CCDC47: variants seen among roughly 807,000 people sequenced by gnomAD.
The protein encoded by CCDC47 is coiled-coil domain containing 47.
In CCDC47, 41 loss-of-function variants were observed where a neutral mutation model predicts 60.5. The observed-to-expected ratio is 0.68, with a 90% confidence interval of 0.53 to 0.88. CCDC47 has a LOEUF of 0.88. Among genes scored for constraint, CCDC47 ranks in the 40% least tolerant of loss-of-function variants. The pLI is 0.00. For missense variants in CCDC47, 513 were observed against 580.9 expected (o/e 0.88, Z 1.20); for synonymous variants, 195 against 190.7 (o/e 1.02, Z -0.18).
intron 1 of CCDC47, among the ~76,000 whole-genome samples, chr17:63,769,292 A>G (rs2039319053): frequency 2.6e-5 from 4 of 151,504 alleles, no homozygotes; most frequent in Admixed American, 2.6e-4. Flanking sequence ...GTCGAAACCC[A>G]GATCATTTTA....
chr17:63,773,080 C>T (rs531978906), intron 1 of CCDC47, among the ~76,000 whole-genome samples: 91 of 152,244 alleles, frequency 6.0e-4, no homozygotes, highest in Non-Finnish European at 1.2e-3. Context: ...AGACTTTCCT[C>T]TGTCTCTTTA....
intron 12 of CCDC47, among the ~76,000 whole-genome samples, chr17:63,751,583 T>A (rs1398204267): frequency 6.6e-6 from 1 of 151,946 alleles, no homozygotes; most frequent in Non-Finnish European, 1.5e-5. Flanking sequence ...AGATTTTAAA[T>A]TTTACATAGC....
chr17:63,763,261 G>A (rs920245480), intron 4 of CCDC47, among the ~76,000 whole-genome samples: 2 of 152,126 alleles, frequency 1.3e-5, no homozygotes, highest in African/African-American at 2.4e-5. Flanking sequence ...AGTAGCTCAC[G>A]TCTGTAATCC....
At position 63,765,904 on chromosome 17, in the gene CCDC47, A is replaced by G. The variant is rs2039294094; in HGVS notation, c.264+8T>C. 6.3e-7 allele frequency: 1 copy of G among 1,596,156 alleles called. No individual in the cohort carries two copies. ...ATTTTTCCAATAAATTAATAAAAAGAGCCTCACCTGGGTATCTGCATCTTC... is the reference window on the plus strand; with the variant it reads ...ATTTTTCCAATAAATTAATAAAAAGGGCCTCACCTGGGTATCTGCATCTTC... On this transcript the variant is annotated splice_region_variant and intron_variant, in intron 2 of 12. Coordinates refer to ENST00000225726, the MANE Select transcript of CCDC47 (RefSeq NM_020198.3).
chr17:63,764,593 T>G, intron 3 of CCDC47, 147 bp downstream of exon 3: 1 of 684,798 alleles, frequency 1.5e-6, no homozygotes, highest in South Asian at 2.2e-5. Context: ...GGAGAGGTGT[T>G]GATTTTTATC....
intron 11 of CCDC47, 85 bp downstream of exon 11, chr17:63,752,235 C>CA (rs2039172218): frequency 7.0e-7 from 1 of 1,418,850 alleles, no homozygotes; most frequent in East Asian, 2.3e-5. Context: ...AAAATTCAGT[C>CA]ACTGAAATCA....
In CCDC47 at chr17:63,752,737, T is replaced by C; in HGVS notation, c.1093+4A>G. 1 of 1,610,592 alleles carries C rather than the reference T, an allele frequency of 6.2e-7. No homozygotes were observed. On this transcript the variant is annotated splice_donor_region_variant and intron_variant, in intron 10 of 12. Coordinates refer to ENST00000225726, the MANE Select transcript of CCDC47 (RefSeq NM_020198.3). ...AGAACCCAGAAAGGACCCAGAATAC[T>C]TACCATTAAATGTAAACAACAGTGT...
At chr17:63,772,258 T>G (rs913906394) in intron 1 of CCDC47, among the ~76,000 whole-genome samples, 10 of 142,216 alleles carry the variant, frequency 7.0e-5, no homozygotes, top group African/African-American at 2.6e-4. Flanking sequence ...GGGTTTTTTT[T>G]TTTTTTTTTT....
At chr17:63,760,131 A>G (rs900843734) in intron 6 of CCDC47, among the ~76,000 whole-genome samples, 5 of 151,946 alleles carry the variant, frequency 3.3e-5, no homozygotes, top group Non-Finnish European at 7.4e-5. Context: ...CACAATTTGC[A>G]GATAAACATA....
chr17:63,749,489 C>T (rs1286669508), intron 12 of CCDC47, among the ~76,000 whole-genome samples: 2 of 149,922 alleles, frequency 1.3e-5, no homozygotes, highest in Non-Finnish European at 3.0e-5. Context: ...CACGGTGGCT[C>T]ACGCCTGTAA....
Position 63,761,224 on chromosome 17 carries a change from A to G in CCDC47, c.669+6T>C. On this transcript the variant is annotated splice_donor_region_variant and intron_variant, in intron 5 of 12. Coordinates refer to ENST00000225726, the MANE Select transcript of CCDC47 (RefSeq NM_020198.3). ...ATATATATCGTACAAGAAGTTTCCT[A>G]CTTACCCTCAGCTGGATAAGCATGC... 6.2e-7 allele frequency: 1 copy of G among 1,614,082 alleles called. No individual in the cohort carries two copies. The highest frequency in any genetic ancestry group is 1.1e-5 in the South Asian group (1 of 91,084).
intron 1 of CCDC47, among the ~76,000 whole-genome samples, chr17:63,768,514 C>T (rs1198146813): frequency 1.3e-5 from 2 of 152,066 alleles, no homozygotes; most frequent in Non-Finnish European, 2.9e-5. Flanking sequence ...ATGGCGAAAA[C>T]CCACCTCTAC....
In CCDC47 at chr17:63,756,576, A is replaced by T. The variant is rs750934636; in HGVS notation, c.736-6T>A. 3.1e-6 allele frequency: 5 copies of T among 1,596,218 alleles called. No individual in the cohort carries two copies. Among genetic ancestry groups the T allele is most frequent in the Admixed American group, 1.7e-5 (1 of 59,634 alleles). ...TTCATGGTTACTTTTATTTGCTTTT[A>T]AAAAAATGTAAAAAACAACAAAATT... On this transcript the variant is annotated splice_polypyrimidine_tract_variant and splice_region_variant and intron_variant, in intron 6 of 12. Transcript: ENST00000225726.
chr17:63,750,742 G>A (rs1427389662), intron 12 of CCDC47, among the ~76,000 whole-genome samples: 4 of 151,914 alleles, frequency 2.6e-5, no homozygotes, highest in African/African-American at 9.7e-5. Flanking sequence ...GCGCCACCAC[G>A]CCCAGCTGAT....
intron 1 of CCDC47, among the ~76,000 whole-genome samples, chr17:63,772,197 T>C (rs2039348244): frequency 6.6e-6 from 1 of 151,978 alleles, no homozygotes; most frequent in Admixed American, 6.6e-5. Context: ...GGATACCATT[T>C]GCTACTTGCC....
At chr17:63,764,924 G>C in intron 2 of CCDC47, 77 bp from the exon 3 acceptor site, 1 of 1,547,330 alleles carries the variant, frequency 6.5e-7, no homozygotes, top group Non-Finnish European at 8.7e-7. Context: ...GGCAACATTT[G>C]TTGGGGAAAA....
At chr17:63,751,803 T>A in intron 12 of CCDC47, 137 bp downstream of exon 12, 1 of 931,106 alleles carries the variant, frequency 1.1e-6, no homozygotes, top group South Asian at 1.3e-5. Flanking sequence ...CTTTATAGTG[T>A]TATCAATTGA....
intron 4 of CCDC47, chr17:63,761,797 A>G (rs1227086165): frequency 1.0e-6 from 1 of 980,138 alleles, no homozygotes; most frequent in Non-Finnish European, 1.2e-6. Flanking sequence ...TGTCTTATAG[A>G]ACTGTTTGGA....
chr17:63,761,265 G>A lies in CCDC47; in HGVS notation c.634C>T (p.Arg212Ter), dbSNP rs2039257579. 7.4e-6 allele frequency: 12 copies of A among 1,613,990 alleles called. No homozygotes were observed. The highest frequency in any genetic ancestry group is 1.1e-5 in the South Asian group (1 of 91,070). The change falls in exon 5 of 13, where the codon CGA becomes TGA. Residue 212 changes from arginine to a stop codon, truncating the protein, a stop_gained. Coordinates refer to ENST00000225726, the MANE Select transcript of CCDC47 (RefSeq NM_020198.3). LOFTEE classifies it high-confidence loss of function. ...EHIYNLWCSG[R>*]VCCEGMLIQL... ...ATAAGCATGCCCTCACAGCACACTC[G>A]ACCAGAACACCACAGGTTATAGATG...
Sources: allele counts gnomAD v4.1 joint callset (sites outside exome capture counted in the v4.1 genomes callset), GRCh38; gene constraint gnomAD v4.1.1; transcripts MANE v1.5; gene names NCBI Gene and HGNC (gene_info 2026-07-23, HGNC 2026-07-21).